The following ZNF717 variants were observed in gnomAD, a reference collection of about 807,000 sequenced individuals.
ZNF717 encodes the protein krueppel-like factor X17.
ZNF717 carries 9 observed loss-of-function variants against 13.8 expected under a neutral mutation model. The ratio of observed to expected loss-of-function variants is 0.65; its 90% CI spans 0.39 to 1.14. The LOEUF is 1.14. Ranked by LOEUF, ZNF717 falls within the 50% of genes most tolerant of loss-of-function variation. ZNF717 has a pLI of 0.01. For missense variants in ZNF717, 1,040 were observed against 1,080.7 expected, an observed-to-expected ratio of 0.96 and a Z score of 0.53; for synonymous variants, 327 against 364.1, an observed-to-expected ratio of 0.90 and a Z score of 1.16.
chr3:75,780,974 T>C (rs1313687378), intron 2 of ZNF717, among the ~76,000 whole-genome samples: 8 of 152,244 alleles, frequency 5.3e-5, no homozygotes, highest in Admixed American at 5.2e-4. Context: ...CCAGTGGGTT[T>C]CTAAAGCAAG....
chr3:75,784,621 T>C (rs1945039263), intron 1 of ZNF717, among the ~76,000 whole-genome samples: 1 of 152,226 alleles, frequency 6.6e-6, no homozygotes, highest in Non-Finnish European at 1.5e-5. Flanking sequence ...CCCCTTCAAA[T>C]AAGGAATATT....
rs1488930547 is a variant in ZNF717 at position 75,722,215 on chromosome 3, G to T, written n.545-5674C>A. On this transcript the variant is annotated intron_variant and non_coding_transcript_variant, in intron 4 of 5. Coordinates refer to the ZNF717 transcript ENST00000491507. ...GTGGAGGTCGCAGTGAGCCAAGATCGTGCCACTGCACTCCAGCCTGGAGAC... is the reference window on the plus strand; with the variant it reads ...GTGGAGGTCGCAGTGAGCCAAGATCTTGCCACTGCACTCCAGCCTGGAGAC... Among the ~76,000 whole-genome samples the T allele has an allele frequency of 2.0e-5, 3 of 152,130 alleles. No individual in the cohort carries two copies. The South Asian group carries it at 6.2e-4, about 32-fold the overall frequency.
At chr3:75,772,140 G>A (rs1943944063) in intron 2 of ZNF717, among the ~76,000 whole-genome samples, 1 of 152,338 alleles carries the variant, frequency 6.6e-6, no homozygotes, top group South Asian at 2.1e-4. Flanking sequence ...CCCACCATGG[G>A]TCTCCTCTCA....
chr3:75,749,071 A>G (rs1201804956), intron 2 of ZNF717, among the ~76,000 whole-genome samples: 1 of 151,590 alleles, frequency 6.6e-6, no homozygotes, highest in East Asian at 2.0e-4. Context: ...TTTGTCCATC[A>G]CGTAAGATTC....
chr3:75,767,953 A>C (rs1303770085), intron 2 of ZNF717, among the ~76,000 whole-genome samples: 1 of 152,208 alleles, frequency 6.6e-6, no homozygotes, highest in East Asian at 1.9e-4. Context: ...AAAGGCAGAG[A>C]AAGTTGGTCA....
intron 2 of ZNF717, among the ~76,000 whole-genome samples, chr3:75,772,422 T>A (rs528691154): frequency 1.3e-5 from 2 of 152,038 alleles, no homozygotes; most frequent in East Asian, 3.9e-4. Flanking sequence ...CTGTGGCCCT[T>A]CAGGGAACCC....
intron 2 of ZNF717, among the ~76,000 whole-genome samples, chr3:75,767,806 A>T (rs1353198002): frequency 2.0e-5 from 3 of 151,906 alleles, no homozygotes; most frequent in Admixed American, 6.6e-5. Context: ...CTAAAGAAGG[A>T]GGTTCAGTTT....
chr3:75,770,320 G>T (rs1196401349), intron 2 of ZNF717, among the ~76,000 whole-genome samples: 2 of 152,228 alleles, frequency 1.3e-5, no homozygotes, highest in Non-Finnish European at 2.9e-5. Flanking sequence ...CAGCACTTTG[G>T]GAGGCCGAGG....
chr3:75,782,642 C>T (rs1006963422), intron 2 of ZNF717, among the ~76,000 whole-genome samples: 1 of 151,370 alleles, frequency 6.6e-6, no homozygotes, highest in East Asian at 1.9e-4. Context: ...GGCAGATGAC[C>T]ATTTCCACTG....
rs1939173784 is a variant in ZNF717 at position 75,736,162 on chromosome 3, C to T, written c.*716G>A. 1 of 152,316 alleles carries T rather than the reference C, an allele frequency of 6.6e-6. No individual in the cohort carries two copies. The highest frequency in any genetic ancestry group is 1.9e-4 in the East Asian group (1 of 5,208). The allele number at this position is 152,316 out of a possible 1,614,324, so 9.4% of individuals were successfully genotyped here. On this transcript the variant is annotated 3_prime_UTR_variant, in exon 5 of 5. Coordinates refer to ENST00000652011, the MANE Select transcript of ZNF717 (RefSeq NM_001290208.3). Reference sequence around the variant, plus strand: ...GGAAAAATGTTGTGTTTGACTGCTTCATTGACTAGTCATTTCCCTGTCTCT... The same window carrying T: ...GGAAAAATGTTGTGTTTGACTGCTTTATTGACTAGTCATTTCCCTGTCTCT...
intron 6 of ZNF717, among the ~76,000 whole-genome samples, chr3:75,702,714 G>A (rs1469286669): frequency 3.3e-5 from 5 of 152,426 alleles, no homozygotes; most frequent in African/African-American, 1.2e-4. Context: ...GTCAAAGTAT[G>A]TCATGTACCC....
At chr3:75,761,172 G>C (rs1260594650) in intron 2 of ZNF717, among the ~76,000 whole-genome samples, 2 of 152,204 alleles carry the variant, frequency 1.3e-5, no homozygotes, top group Admixed American at 6.5e-5. Flanking sequence ...GAAAATTCCA[G>C]GTCCAGATAA....
In ZNF717 at chr3:75,779,713, G is replaced by C. The variant is rs68133263; in HGVS notation, c.57+3593C>G. 4.3e-3 allele frequency among the ~76,000 whole-genome samples: 635 copies of C among 146,166 alleles called. 12 individuals carry two copies. The highest frequency in any genetic ancestry group is 0.014 in the African/African-American group (547 of 39,276). On this transcript the variant is annotated intron_variant, in intron 2 of 4. Transcript: ENST00000652011. ...CAGGATCCAAAGCAATGGGAGTGAC[G>C]TGCTAAAACCGGAACCCAAAACCAT...
In ZNF717 at chr3:75,739,695, A is replaced by G. The variant is rs57983151; in HGVS notation, c.278-350T>C. Among the ~76,000 whole-genome samples the G allele has an allele frequency of 9.6e-3, 1,460 of 152,014 alleles. 25 individuals carry two copies. Among genetic ancestry groups the G allele is most frequent in the African/African-American group, 0.034 (1,413 of 41,350 alleles). On this transcript the variant is annotated intron_variant, in intron 4 of 4. Coordinates refer to ENST00000652011, the MANE Select transcript of ZNF717 (RefSeq NM_001290208.3). ...TCTCTCTTTTTTTTTATTTATTCAT[A>G]TAACAATAGTGGCTGTTTTAATAGC...
intron 2 of ZNF717, among the ~76,000 whole-genome samples, chr3:75,781,900 T>C (rs976737576): frequency 1.3e-5 from 2 of 152,174 alleles, no homozygotes; most frequent in African/African-American, 4.8e-5. Flanking sequence ...CCTGTAACCA[T>C]CTGTCGTTTT....
chr3:75,732,406 G>T (rs1389454792), downstream of ZNF717, among the ~76,000 whole-genome samples: 1 of 152,238 alleles, frequency 6.6e-6, no homozygotes, highest in Non-Finnish European at 1.5e-5. Context: ...TTCTGCTACA[G>T]TCTGAATATC....
At chr3:75,766,092 G>C (rs113950372) in intron 2 of ZNF717, among the ~76,000 whole-genome samples, 4 of 152,172 alleles carry the variant, frequency 2.6e-5, no homozygotes, top group African/African-American at 7.2e-5. Context: ...GGGTGACAGA[G>C]CAAGACCCTG....
intron 5 of ZNF717, among the ~76,000 whole-genome samples, chr3:75,715,446 G>A (rs934058289): frequency 6.6e-6 from 1 of 152,074 alleles, no homozygotes; most frequent in Non-Finnish European, 1.5e-5. Context: ...GATTATTGCT[G>A]TAAGGTCAAG....
chr3:75,737,180 C>G lies in ZNF717; in HGVS notation c.2443G>C (p.Glu815Gln). 1 of 1,556,392 alleles carries G rather than the reference C, an allele frequency of 6.4e-7. No individual in the cohort carries two copies. Among genetic ancestry groups the G allele is most frequent in the Non-Finnish European group, 8.7e-7 (1 of 1,150,016 alleles). ...AAGGTTTTCCTACATTCTTTACATT[C>G]AAATGGCTTCTCACCTGTGTGAGTT... ...QRTHTGEKPF[E>Q]CKECRKTFSQ... Residue 815 changes from glutamate to glutamine, a missense_variant, in exon 5 of 5, where the codon GAA becomes CAA. Glu to Gln is a conservative substitution (Grantham distance 29). Coordinates refer to ENST00000652011, the MANE Select transcript of ZNF717 (RefSeq NM_001290208.3).
Sources: allele counts gnomAD v4.1 joint callset (sites outside exome capture counted in the v4.1 genomes callset), GRCh38; gene constraint gnomAD v4.1.1; transcripts MANE v1.5; gene names NCBI Gene and HGNC (gene_info 2026-07-23, HGNC 2026-07-21).